PHF8: variants seen among roughly 807,000 people sequenced by gnomAD.
The protein encoded by PHF8 is histone lysine demethylase PHF8.
A neutral mutation model predicts 74.4 loss-of-function variants in PHF8; 9 were observed. The observed-to-expected ratio is 0.12, with a 90% CI of 0.07 to 0.21. PHF8 has a LOEUF of 0.21. PHF8 is among the 10% of genes least tolerant of loss of function. The probability of loss-of-function intolerance (pLI) is 1.00; values close to 1 mark genes in which losing one functional copy is unlikely to be tolerated. For synonymous variants in PHF8, 311 were observed against 316.6 expected, an observed-to-expected ratio of 0.98 and a Z score of 0.19; for missense variants, 478 against 816.6, an observed-to-expected ratio of 0.59 and a Z score of 5.05.
intron 2 of PHF8, among the ~76,000 whole-genome samples, chrX:54,036,571 C>CAAAA (rs1160936317): frequency 1.1e-3 from 7 of 6,190 alleles, no homozygotes; most frequent in Admixed American, 2.3e-3. Context: ...GACACTGTCT[C>CAAAA]AAAAAAAAAA....
chrX:54,022,857 A>G lies in PHF8; in HGVS notation c.99-14T>C. ...ACACCAACACAACTGAAAAAGAGAA[A>G]AACAGCCAAGGTTTATGGAAATTTT... is the stretch of plus-strand genomic sequence containing the variant. On this transcript the variant is annotated splice_polypyrimidine_tract_variant and intron_variant, in intron 2 of 21. Transcript: ENST00000338154. 1 of 1,127,445 alleles carries G rather than the reference A, an allele frequency of 8.9e-7. No individual in the cohort carries two copies. The highest frequency in any genetic ancestry group is 1.2e-6 in the Non-Finnish European group (1 of 819,833). 92.9% of individuals were successfully genotyped at this position (1,127,445 alleles called of 1,213,427 possible).
At chrX:54,014,103 C>G (rs1172325792) in intron 7 of PHF8, among the ~76,000 whole-genome samples, 2 of 109,627 alleles carry the variant, frequency 1.8e-5, no homozygotes, top group African/African-American at 6.6e-5. Flanking sequence ...CTACAGGCGC[C>G]TGCCACCAAG....
Position 54,016,672 on chromosome X carries a change from A to G in PHF8, c.519T>C (p.Gly173=), listed in dbSNP as rs782049686. The change falls in exon 6 of 22, where the codon GGT becomes GGC. Residue 173 remains glycine (G), a synonymous_variant. Transcript: ENST00000338154. The part of the protein sequence containing the change: ...TRQADCKMKL[G]DFVKYYYSGK... ...CGCTGTAATAGTATTTCACAAAATC[A>G]CCAAGCTTCATCTTGCAGTCAGCCT... The G allele has an allele frequency of 8.4e-7, 1 of 1,195,712 alleles. No homozygotes were observed. The highest frequency in any genetic ancestry group is 1.8e-5 in the South Asian group (1 of 56,444).
intron 2 of PHF8, among the ~76,000 whole-genome samples, chrX:54,023,841 C>CAAAAA (rs782579990): frequency 5.1e-5 from 2 of 39,172 alleles, no homozygotes; most frequent in Non-Finnish European, 4.9e-5. Flanking sequence ...ACCCTGTCTC[C>CAAAAA]AAAAAAAAAA....
At chrX:53,958,674 G>A (rs1557089641) in intron 19 of PHF8, among the ~76,000 whole-genome samples, 1 of 104,506 alleles carries the variant, frequency 9.6e-6, no homozygotes, top group African/African-American at 3.5e-5. Flanking sequence ...TACTCGGGAG[G>A]CTGAGGCAGG....
chrX:54,009,846 A>G (rs1557106311), intron 8 of PHF8, among the ~76,000 whole-genome samples: 17 of 66,881 alleles, frequency 2.5e-4, no homozygotes, highest in Middle Eastern at 6.3e-3. Context: ...CTGTCTCAGA[A>G]AAAAAAAAAA....
At chrX:53,945,093 C>A (rs1251824192) in intron 19 of PHF8, among the ~76,000 whole-genome samples, 1 of 109,020 alleles carries the variant, frequency 9.2e-6, no homozygotes, top group Non-Finnish European at 1.9e-5. Flanking sequence ...CACCTGTAAT[C>A]CCAGCACTTT....
chrX:53,967,706 G>C (rs1336198661), intron 18 of PHF8, among the ~76,000 whole-genome samples: 2 of 114,390 alleles, frequency 1.7e-5, no homozygotes, highest in African/African-American at 6.3e-5. Context: ...TGAGAAATCG[G>C]ATGGTTGCCA....
chrX:53,976,075 G>C (rs1228504477), intron 18 of PHF8, among the ~76,000 whole-genome samples: 1 of 110,770 alleles, frequency 9.0e-6, no homozygotes, highest in Non-Finnish European at 1.9e-5. Flanking sequence ...AGTACTTCGG[G>C]AGGCCAAGGA....
At chrX:54,006,186 G>A (rs1477671273) in intron 8 of PHF8, among the ~76,000 whole-genome samples, 2 of 111,913 alleles carry the variant, frequency 1.8e-5, no homozygotes, top group Non-Finnish European at 3.8e-5. Flanking sequence ...GATGTAAAAA[G>A]AGGTAAGGTT....
At chrX:53,987,022 T>C (rs1395680582) in intron 16 of PHF8, 56 bp downstream of exon 16, 4 of 719,396 alleles carry the variant, frequency 5.6e-6, no homozygotes, top group Non-Finnish European at 8.9e-6. Context: ...TGACAATCTG[T>C]CTTCTGTCTC....
chrX:53,980,771 G>A (rs1210496410), intron 18 of PHF8, among the ~76,000 whole-genome samples: 3 of 112,407 alleles, frequency 2.7e-5, no homozygotes, highest in African/African-American at 9.7e-5. Context: ...CCAATTTTAC[G>A]AACCAAAATA....
At chrX:54,009,405 A>G (rs1203086150) in intron 8 of PHF8, among the ~76,000 whole-genome samples, 1 of 110,656 alleles carries the variant, frequency 9.0e-6, no homozygotes, top group Non-Finnish European at 1.9e-5. Context: ...AATTTAGGGA[A>G]AGCCTGAAAT....
At chrX:54,002,048 T>C in intron 10 of PHF8, 107 bp downstream of exon 10, 1 of 525,341 alleles carries the variant, frequency 1.9e-6, no homozygotes, top group Non-Finnish European at 3.5e-6. Flanking sequence ...GAGATCTTTC[T>C]GGTAATGAAA....
At chrX:54,038,742 G>A (rs2066503257) in intron 2 of PHF8, among the ~76,000 whole-genome samples, 1 of 111,962 alleles carries the variant, frequency 8.9e-6, no homozygotes, top group Non-Finnish European at 1.9e-5. Flanking sequence ...ATTCTCAGCT[G>A]CAAAATGGAA....
intron 19 of PHF8, among the ~76,000 whole-genome samples, chrX:53,959,588 G>C (rs1450803006): frequency 9.0e-6 from 1 of 110,872 alleles, no homozygotes; most frequent in African/African-American, 3.3e-5. Flanking sequence ...AGGTAATCAA[G>C]AGAGATTGAC....
At position 54,011,207 on chromosome X, in the gene PHF8, A is replaced by G. The variant is rs1557106674; in HGVS notation, c.861T>C (p.Asn287=). Residue 287 remains asparagine, a synonymous_variant, in exon 8 of 22, where the codon AAT becomes AAC. Coordinates refer to ENST00000338154, the MANE Select transcript of PHF8 (RefSeq NM_015107.3). ...GGTCCCCAAAGAACATCTCATTCTG[A>G]TTAGAGGAACTGCTCCAGCACTCAA... The part of the protein sequence containing the change: ...TLFECWSSSS[N]QNEMFFGDQV... 8.3e-7 allele frequency: 1 copy of G among 1,207,011 alleles called. No homozygotes were observed. The highest frequency in any genetic ancestry group is 2.2e-5 in the Admixed American group (1 of 46,028).
chrX:53,973,768 T>C (rs1250908703), intron 18 of PHF8, among the ~76,000 whole-genome samples: 6 of 111,487 alleles, frequency 5.4e-5, no homozygotes, highest in African/African-American at 2.0e-4. Context: ...CAAAAGCAAT[T>C]GCAACAAAAG....
chrX:54,014,294 T>G (rs1291024048), intron 7 of PHF8, 83 bp downstream of exon 7: 2 of 710,880 alleles, frequency 2.8e-6, no homozygotes, highest in African/African-American at 4.2e-5. Flanking sequence ...ATCAAACTGA[T>G]TCAAAATGTT....
Sources: allele counts gnomAD v4.1 joint callset (sites outside exome capture counted in the v4.1 genomes callset), GRCh38; gene constraint gnomAD v4.1.1; transcripts MANE v1.5; gene names NCBI Gene and HGNC (gene_info 2026-07-23, HGNC 2026-07-21).